The following BMP2K variants were observed in gnomAD, a reference collection of about 807,000 sequenced individuals.
The protein encoded by BMP2K is BMP-2-inducible protein kinase.
A neutral mutation model predicts 116.0 loss-of-function variants in BMP2K; 74 were observed. That is an observed-to-expected ratio of 0.64 (90% CI 0.53 to 0.77). BMP2K has a LOEUF of 0.77. BMP2K is among the 30% of genes least tolerant of loss of function. BMP2K has a pLI of 0.00. For missense variants in BMP2K, 1,365 were observed against 1,403.6 expected (o/e 0.97, Z 0.44); for synonymous variants, 486 against 502.5 (o/e 0.97, Z 0.44).
Position 78,851,020 on chromosome 4 carries a change from A to C in BMP2K, c.847A>C (p.Asn283His), listed in dbSNP as rs1398128104. Residue 283 changes from asparagine to histidine, a missense_variant, in exon 7 of 16, where the codon AAT (asparagine) becomes CAT (histidine). Coordinates refer to ENST00000502613, the MANE Select transcript of BMP2K (RefSeq NM_198892.2). ...TGATGGCAACTTCACCATCCCAGAC[A>C]ATTCTCGTTACTCCCGTAACATACA... ...ICDGNFTIPD[N>H]SRYSRNIHCL... 1.9e-6 allele frequency: 3 copies of C among 1,611,682 alleles called. No homozygotes were observed. Among genetic ancestry groups the C allele is most frequent in the Non-Finnish European group, 2.5e-6 (3 of 1,178,712 alleles).
intron 1 of BMP2K, among the ~76,000 whole-genome samples, chr4:78,816,841 A>G (rs918885547): frequency 6.6e-6 from 1 of 152,230 alleles, no homozygotes; most frequent in Non-Finnish European, 1.5e-5. Flanking sequence ...TTACTATTGT[A>G]TGAAGCCCTT....
chr4:78,790,817 T>C (rs1727959317), intron 1 of BMP2K, among the ~76,000 whole-genome samples: 1 of 152,156 alleles, frequency 6.6e-6, no homozygotes, highest in South Asian at 2.1e-4. Context: ...ATTGTTCCAC[T>C]GCACTCTGTC....
intron 6 of BMP2K, among the ~76,000 whole-genome samples, chr4:78,849,119 G>A (rs1731138061): frequency 1.3e-5 from 2 of 151,246 alleles, no homozygotes; most frequent in African/African-American, 4.8e-5. Context: ...TTTTTTGCTT[G>A]GAAGTTTCTG....
intron 4 of BMP2K, among the ~76,000 whole-genome samples, chr4:78,843,817 G>A (rs1730873539): frequency 1.3e-5 from 2 of 151,794 alleles, no homozygotes; most frequent in Admixed American, 1.3e-4. Context: ...TGCATGCAAA[G>A]TTGATATCTT....
Position 78,836,404 on chromosome 4 carries a change from G to A in BMP2K, c.403+2717G>A, listed in dbSNP as rs147894487. Among the ~76,000 whole-genome samples, 552 of 151,522 alleles carry A rather than the reference G, an allele frequency of 3.6e-3. 6 individuals carry two copies. Among genetic ancestry groups the A allele is most frequent in the African/African-American group, 0.013 (522 of 41,338 alleles). On this transcript the variant is annotated intron_variant, in intron 3 of 15. Transcript: ENST00000502613. ...TGCACTCCAGCCTGGGCAACAGAGCGAGACTCTGTCTCAAAAAAAAAAAAG... is the reference window on the plus strand; with the variant it reads ...TGCACTCCAGCCTGGGCAACAGAGCAAGACTCTGTCTCAAAAAAAAAAAAG...
intron 10 of BMP2K, among the ~76,000 whole-genome samples, chr4:78,870,019 G>C (rs1198980127): frequency 6.6e-6 from 1 of 152,028 alleles, no homozygotes; most frequent in African/African-American, 2.4e-5. Flanking sequence ...TTGAATGTAG[G>C]GTAAGTTTAT....
rs1162826739 is a variant in BMP2K at position 78,916,239 on chromosome 4, A to T, written c.*4206A>T. 6.6e-6 allele frequency: 1 copy of T among 151,796 alleles called. No homozygotes were observed. The highest frequency in any genetic ancestry group is 1.5e-5 in the Non-Finnish European group (1 of 67,852). The allele number at this position is 151,796 out of a possible 1,614,324, so 9.4% of individuals were successfully genotyped here. ...TTACACTGCTTATTCTTTTTGACTG[A>T]ATTCTGTCCCTGATTCACTGTTTTG... On this transcript the variant is annotated 3_prime_UTR_variant, in exon 16 of 16. Transcript: ENST00000502613.
At chr4:78,893,409 G>A (rs1422921299) in intron 15 of BMP2K, among the ~76,000 whole-genome samples, 1 of 152,092 alleles carries the variant, frequency 6.6e-6, no homozygotes, top group Non-Finnish European at 1.5e-5. Context: ...CCAGAGTCTT[G>A]TTAATGTTGA....
chr4:78,834,948 G>A (rs1300950852), intron 3 of BMP2K, among the ~76,000 whole-genome samples: 1 of 152,102 alleles, frequency 6.6e-6, no homozygotes, highest in Non-Finnish European at 1.5e-5. Context: ...GTACTGTACT[G>A]TGATCTCTTT....
intron 1 of BMP2K, among the ~76,000 whole-genome samples, chr4:78,777,780 G>A (rs552966478): frequency 1.3e-5 from 2 of 152,268 alleles, no homozygotes; most frequent in African/African-American, 4.8e-5. Context: ...TGTATTTTTT[G>A]AAATGCTATA....
At chr4:78,865,837 T>TC in intron 10 of BMP2K, 117 bp downstream of exon 10, 1 of 995,698 alleles carries the variant, frequency 1.0e-6, no homozygotes. Context: ...CATAATGCTT[T>TC]CAGAAACTTT....
intron 10 of BMP2K, among the ~76,000 whole-genome samples, chr4:78,867,370 C>T (rs1211532463): frequency 6.6e-6 from 1 of 152,076 alleles, no homozygotes; most frequent in African/African-American, 2.4e-5. Flanking sequence ...TTTGATCCAT[C>T]AAAGTCATAG....
chr4:78,801,870 A>T lies in BMP2K; in HGVS notation c.179-24167A>T, dbSNP rs565080741. Among the ~76,000 whole-genome samples, 60 of 152,270 alleles carry T rather than the reference A, an allele frequency of 3.9e-4. No homozygotes were observed. In the South Asian group the frequency reaches 4.6e-3, roughly 12 times the overall value. On this transcript the variant is annotated intron_variant, in intron 1 of 15. Transcript: ENST00000502613. The stretch of plus-strand genomic sequence containing the variant: ...GATTTTACATCTATCGTCACTTTTT[A>T]AAAAATCTACAGTTTAGAAATTAGG...
At chr4:78,855,941 G>A (rs527239989) in intron 7 of BMP2K, among the ~76,000 whole-genome samples, 4 of 152,190 alleles carry the variant, frequency 2.6e-5, no homozygotes, top group African/African-American at 7.2e-5. Flanking sequence ...AAACAAGGGC[G>A]TATTCTAGTT....
intron 2 of BMP2K, among the ~76,000 whole-genome samples, chr4:78,829,417 T>C (rs995632570): frequency 1.3e-5 from 2 of 149,186 alleles, no homozygotes; most frequent in Non-Finnish European, 2.9e-5. Context: ...TTTTTTTTTT[T>C]CTGTTTCTAC....
chr4:78,848,027 A>T (rs1273585351), intron 6 of BMP2K, among the ~76,000 whole-genome samples: 1 of 151,616 alleles, frequency 6.6e-6, no homozygotes, highest in Non-Finnish European at 1.5e-5. Context: ...TGAAAACGTA[A>T]TGTACAGAAA....
chr4:78,844,896 A>G, intron 4 of BMP2K, 32 bp from the exon 5 acceptor site: 2 of 1,542,342 alleles, frequency 1.3e-6, no homozygotes, highest in African/African-American at 1.4e-5. Flanking sequence ...CACTTTGAAA[A>G]TACTACTCAT....
At chr4:78,786,060 C>A (rs1369854709) in intron 1 of BMP2K, among the ~76,000 whole-genome samples, 1 of 152,140 alleles carries the variant, frequency 6.6e-6, no homozygotes, top group Non-Finnish European at 1.5e-5. Flanking sequence ...CACTGATGTG[C>A]TTGGTATTTT....
intron 1 of BMP2K, among the ~76,000 whole-genome samples, chr4:78,782,275 A>C (rs1263872670): frequency 6.6e-6 from 1 of 152,132 alleles, no homozygotes; most frequent in Non-Finnish European, 1.5e-5. Context: ...CTTGAGATGG[A>C]ATTATGTAAG....
Sources: gnomAD v4.1 joint callset for allele counts (sites outside exome capture counted in the v4.1 genomes callset) on GRCh38, gnomAD v4.1.1 for gene constraint, MANE v1.5 for transcripts, NCBI Gene and HGNC (gene_info 2026-07-23, HGNC 2026-07-21) for gene names.